Variants in NPAS3 observed in about 807,000 individuals in gnomAD.
NPAS3 encodes neuronal PAS domain protein 3.
Under a neutral mutation model 73.1 loss-of-function variants are expected in NPAS3, and 14 were observed. That is an observed-to-expected ratio of 0.19 (90% CI 0.13 to 0.30). The LOEUF (loss-of-function observed/expected upper bound fraction) is 0.30. NPAS3 is among the 10% of genes least tolerant of loss of function. The pLI is 1.00. For missense variants in NPAS3, 1,096 were observed against 1,250.0 expected, an observed-to-expected ratio of 0.88 and a Z score of 1.86; for synonymous variants, 620 against 541.5, an observed-to-expected ratio of 1.14 and a Z score of -2.01.
chr14:33,333,960 A>C (rs182791350), intron 3 of NPAS3, among the ~76,000 whole-genome samples: 3 of 152,092 alleles, frequency 2.0e-5, no homozygotes, highest in African/African-American at 7.2e-5. Context: ...CCCCTGGAAA[A>C]TTTTGAATCA....
intron 1 of NPAS3, among the ~76,000 whole-genome samples, chr14:33,052,527 C>A (rs986385516): frequency 6.6e-6 from 1 of 152,150 alleles, no homozygotes; most frequent in Non-Finnish European, 1.5e-5. Context: ...GAATGGCCAG[C>A]GCTTATGCTT....
At chr14:33,118,450 C>A (rs1334362296) in intron 2 of NPAS3, among the ~76,000 whole-genome samples, 1 of 152,064 alleles carries the variant, frequency 6.6e-6, no homozygotes, top group Non-Finnish European at 1.5e-5. Flanking sequence ...AAATGTTTAT[C>A]TTTGTGGTTG....
intron 1 of NPAS3, among the ~76,000 whole-genome samples, chr14:33,041,522 T>C (rs1041647007): frequency 6.6e-6 from 1 of 152,132 alleles, no homozygotes; most frequent in Non-Finnish European, 1.5e-5. Context: ...ACATAAAAAG[T>C]GTTTCTCAAA....
At chr14:33,147,691 AT>A (rs1435037009) in intron 2 of NPAS3, among the ~76,000 whole-genome samples, 1 of 147,372 alleles carries the variant, frequency 6.8e-6, no homozygotes, top group Non-Finnish European at 1.5e-5. Flanking sequence ...AAACCTGCAC[AT>A]TGTGCACATG....
At chr14:33,498,608 G>A (rs555445005) in intron 4 of NPAS3, among the ~76,000 whole-genome samples, 123 of 152,058 alleles carry the variant, frequency 8.1e-4, no homozygotes, top group Admixed American at 4.6e-3. Context: ...ACCAAACACC[G>A]CATGTTCTCA....
Position 33,097,917 on chromosome 14 carries a change from T to A in NPAS3, c.140+41923T>A, listed in dbSNP as rs141671688. 1.6e-3 allele frequency among the ~76,000 whole-genome samples: 239 copies of A among 152,298 alleles called. 5 individuals carry two copies. The East Asian group carries it at 0.039, about 25-fold the overall frequency. On this transcript the variant is annotated intron_variant, in intron 2 of 11. Transcript: ENST00000356141. The stretch of plus-strand genomic sequence containing the variant: ...TTAGATACAGATCTTTTTATACTTT[T>A]GAGATACAAATATAATCTCCCTTTC...
At chr14:33,612,196 G>C (rs1213681297) in intron 5 of NPAS3, among the ~76,000 whole-genome samples, 1 of 152,130 alleles carries the variant, frequency 6.6e-6, no homozygotes, top group Non-Finnish European at 1.5e-5. Context: ...TGGTCAGAAG[G>C]CCCCTGCCGG....
chr14:33,245,843 G>C (rs2048355018), intron 3 of NPAS3, among the ~76,000 whole-genome samples: 1 of 151,478 alleles, frequency 6.6e-6, no homozygotes, highest in Admixed American at 6.6e-5. Context: ...AAAAAAAATA[G>C]TTAGACGAGT....
chr14:33,117,266 T>G (rs189496500), intron 2 of NPAS3, among the ~76,000 whole-genome samples: 4 of 152,148 alleles, frequency 2.6e-5, no homozygotes, highest in Admixed American at 2.0e-4. Context: ...GGAGGGAGAT[T>G]CACGGCTAGA....
chr14:33,628,489 A>C (rs140986323), intron 5 of NPAS3, among the ~76,000 whole-genome samples: 2 of 152,266 alleles, frequency 1.3e-5, no homozygotes, highest in East Asian at 3.9e-4. Flanking sequence ...TCAGTACTTT[A>C]ATTGTTTCTG....
intron 3 of NPAS3, among the ~76,000 whole-genome samples, chr14:33,241,856 A>G (rs1468499550): frequency 6.6e-6 from 1 of 152,076 alleles, no homozygotes; most frequent in Non-Finnish European, 1.5e-5. Flanking sequence ...CAAAATGTCA[A>G]AAATTATTCT....
At chr14:33,245,718 A>T (rs1487153405) in intron 3 of NPAS3, among the ~76,000 whole-genome samples, 1 of 152,160 alleles carries the variant, frequency 6.6e-6, no homozygotes, top group African/African-American at 2.4e-5. Flanking sequence ...AGTTAAACAC[A>T]CTGTGTTGAG....
intron 3 of NPAS3, among the ~76,000 whole-genome samples, chr14:33,288,441 C>A (rs182960260): frequency 6.6e-6 from 1 of 151,948 alleles, no homozygotes; most frequent in Non-Finnish European, 1.5e-5. Context: ...CCAGGCTGGA[C>A]CAGATTGGTC....
Position 33,383,503 on chromosome 14 carries a change from C to T in NPAS3, c.468+16235C>T, listed in dbSNP as rs145819514. Among the ~76,000 whole-genome samples the T allele has an allele frequency of 2.4e-3, 373 of 152,264 alleles. 3 individuals are homozygous for T. The highest frequency in any genetic ancestry group is 8.4e-3 in the African/African-American group (349 of 41,564). On this transcript the variant is annotated intron_variant, in intron 4 of 11. Coordinates refer to ENST00000356141, the Ensembl canonical transcript of NPAS3. ...GCACCTAAGTCCCCATGCACCAATT[C>T]GAGAATGTCCTTCTCAGCCAAGGGG...
intron 1 of NPAS3, among the ~76,000 whole-genome samples, chr14:32,960,123 G>A (rs2036848040): frequency 6.6e-6 from 1 of 151,882 alleles, no homozygotes; most frequent in South Asian, 2.1e-4. Context: ...AATAAAACAT[G>A]TGGAACAACT....
chr14:33,119,129 G>A (rs1208349100), intron 2 of NPAS3, among the ~76,000 whole-genome samples: 1 of 151,870 alleles, frequency 6.6e-6, no homozygotes, highest in Non-Finnish European at 1.5e-5. Flanking sequence ...AAGTTTTCAG[G>A]CAAGCAGTTG....
chr14:32,940,816 T>C (rs1158913916), intron 1 of NPAS3, among the ~76,000 whole-genome samples: 1 of 152,208 alleles, frequency 6.6e-6, no homozygotes, highest in Non-Finnish European at 1.5e-5. Flanking sequence ...TTTCATACGA[T>C]AGGGAAGGCA....
chr14:33,150,696 T>A (rs1220723653), intron 2 of NPAS3, among the ~76,000 whole-genome samples: 1 of 152,218 alleles, frequency 6.6e-6, no homozygotes, highest in Non-Finnish European at 1.5e-5. Flanking sequence ...TTATCCCCAC[T>A]TAGCAATAGG....
rs528827171 is a variant in NPAS3, at chr14:33,472,857, G to T, written c.469-87264G>T. ...AAAAAAAGACATTTATTATTGATAT[G>T]ATTATATTATTTTACTTTCCAAAAG... On this transcript the variant is annotated intron_variant, in intron 4 of 11. Transcript: ENST00000356141. 4.6e-5 allele frequency among the ~76,000 whole-genome samples: 7 copies of T among 150,846 alleles called. No homozygotes were observed. In the South Asian group the frequency reaches 1.5e-3, roughly 31 times the overall value.
Sources: allele counts gnomAD v4.1 joint callset (sites outside exome capture counted in the v4.1 genomes callset), GRCh38; gene constraint gnomAD v4.1.1; transcripts MANE v1.5; gene names NCBI Gene and HGNC (gene_info 2026-07-23, HGNC 2026-07-21).